NBEAL1: variants seen among roughly 807,000 people sequenced by gnomAD.
NBEAL1 encodes the protein neurobeachin-like protein 1.
Under a neutral mutation model 351.3 loss-of-function variants are expected in NBEAL1, and 273 were observed. That is an observed-to-expected ratio of 0.78 (90% confidence interval 0.70 to 0.86). NBEAL1 has a LOEUF of 0.86. Ranked by LOEUF, NBEAL1 falls within the 40% of genes least tolerant of loss-of-function variation. The probability of loss-of-function intolerance (pLI) is 0.00; values close to 1 mark genes in which losing one functional copy is unlikely to be tolerated. For missense variants in NBEAL1, 2,961 were observed against 3,201.3 expected (o/e 0.92, Z 1.81); for synonymous variants, 1,050 against 1,086.4 (o/e 0.97, Z 0.66).
At chr2:203,039,964 G>A (rs1228488678) in intron 2 of NBEAL1, 9 of 499,170 alleles carry the variant, frequency 1.8e-5, no homozygotes, top group Admixed American at 1.1e-4. Flanking sequence ...GGACCATGGT[G>A]GAGGGAACAT....
At position 203,220,542 on chromosome 2, in the gene NBEAL1, A is replaced by G. The variant is rs767718828; in HGVS notation, c.*3188A>G. On this transcript the variant is annotated 3_prime_UTR_variant, in exon 56 of 56. Coordinates refer to ENST00000683969, the MANE Select transcript of NBEAL1 (RefSeq NM_001378026.1). ...TTTTTGTATGCTTTTGTTTCTTGAT[A>G]CTGGTGATGACAAAAATAAAAATCT... is the stretch of plus-strand genomic sequence containing the variant. 7.9e-5 allele frequency among the ~76,000 whole-genome samples: 12 copies of G among 152,244 alleles called. No homozygotes were observed. The highest frequency in any genetic ancestry group is 1.6e-4 in the Non-Finnish European group (11 of 68,004).
intron 8 of NBEAL1, among the ~76,000 whole-genome samples, chr2:203,082,557 ATTAC>A: frequency 6.6e-6 from 1 of 152,326 alleles, no homozygotes; most frequent in African/African-American, 2.4e-5. Flanking sequence ...ATAACTACCA[ATTAC>A]TTAGTATATG....
At chr2:203,147,482 T>C (rs2063541859) in intron 33 of NBEAL1, among the ~76,000 whole-genome samples, 1 of 152,076 alleles carries the variant, frequency 6.6e-6, no homozygotes, top group South Asian at 2.1e-4. Context: ...GCTGTATATA[T>C]GCCAAAAACT....
Position 203,157,790 on chromosome 2 carries a change from C to A in NBEAL1, c.5679C>A (p.Asp1893Glu). The A allele has an allele frequency of 6.3e-7, 1 of 1,591,796 alleles. No individual in the cohort carries two copies. Among genetic ancestry groups the A allele is most frequent in the Non-Finnish European group, 8.6e-7 (1 of 1,169,334 alleles). Reference sequence around the variant, plus strand: ...GTGATATGGTGGAGGATAAATTAGACCTTCCTGAAGAGGATATAACAGCTA... The same window carrying A: ...GTGATATGGTGGAGGATAAATTAGAACTTCCTGAAGAGGATATAACAGCTA... ...KVSDMVEDKL[D>E]LPEEDITARV... The change falls in exon 36 of 56, where the codon GAC (aspartate) becomes GAA (glutamate). Residue 1893 changes from aspartate to glutamate, a missense_variant. Coordinates refer to ENST00000683969, the MANE Select transcript of NBEAL1 (RefSeq NM_001378026.1).
chr2:203,014,763 T>C (rs2060647941), upstream of NBEAL1: 1 of 152,274 alleles, frequency 6.6e-6, no homozygotes, highest in Non-Finnish European at 1.5e-5. Flanking sequence ...TACGCGACCA[T>C]TGAACAGCTG....
Position 203,211,103 on chromosome 2 carries a change from A to G in NBEAL1, c.7931A>G (p.His2644Arg). 1 of 1,558,912 alleles carries G rather than the reference A, an allele frequency of 6.4e-7. No homozygotes were observed. Among genetic ancestry groups the G allele is most frequent in the Non-Finnish European group, 8.7e-7 (1 of 1,153,380 alleles). The change falls in exon 54 of 56, where the codon CAC (histidine) becomes CGC (arginine). Residue 2644 changes from histidine (H) to arginine (R), a missense_variant. By Grantham distance (29) the His-to-Arg change is conservative (BLOSUM62 0). Coordinates refer to ENST00000683969, the MANE Select transcript of NBEAL1 (RefSeq NM_001378026.1). The stretch of plus-strand genomic sequence containing the variant: ...GGATTCCTGTCTATAAGAGATCTCC[A>G]CAGGTAAATAATAAAAACTAATGAA... ...IQGFLSIRDL[H>R]SLNLSINPLA...
Position 203,107,447 on chromosome 2 carries a change from A to G in NBEAL1, c.1297A>G (p.Thr433Ala). ...AGTATTTAAAGAAAGAATTGGTTATACACATATGCTTGAAGTATTAAAATC... is the reference window on the plus strand; with the variant it reads ...AGTATTTAAAGAAAGAATTGGTTATGCACATATGCTTGAAGTATTAAAATC... ...KEVFKERIGY[T>A]HMLEVLKSLG... Residue 433 changes from threonine (T) to alanine (A), a missense_variant, in exon 13 of 56, where the codon ACA (threonine) becomes GCA (alanine). Physicochemically the swap from Thr to Ala is moderately conservative, Grantham distance 58 (BLOSUM62 0). Coordinates refer to ENST00000683969, the MANE Select transcript of NBEAL1 (RefSeq NM_001378026.1). The G allele has an allele frequency of 6.5e-7, 1 of 1,549,032 alleles. No individual in the cohort carries two copies. The highest frequency in any genetic ancestry group is 1.2e-5 in the South Asian group (1 of 83,952).
intron 21 of NBEAL1, 93 bp from the exon 22 acceptor site, chr2:203,126,464 C>A: frequency 3.0e-6 from 3 of 994,872 alleles, no homozygotes; most frequent in Non-Finnish European, 4.1e-6. Flanking sequence ...TATTTTTATA[C>A]TTAGTAGATG....
intron 41 of NBEAL1, among the ~76,000 whole-genome samples, chr2:203,174,216 C>CAAAAAAAAAAAAAAA (rs10652390): frequency 8.1e-4 from 20 of 24,612 alleles, no homozygotes; most frequent in East Asian, 1.7e-3. Flanking sequence ...TTTATACTAG[C>CAAAAAAAAAAAAAAA]AAAAAAAAAA....
Position 203,049,973 on chromosome 2 carries a change from C to T in NBEAL1, c.303C>T (p.Cys101=). 6.5e-7 allele frequency: 1 copy of T among 1,550,370 alleles called. No homozygotes were observed. ...ILLVKFFIIL[C]RNLSNVEEIG... ...TTGTCAAGTTCTTCATTATTCTTTG[C>T]AGGTATCTAGTAGAAAAAATAAGCT... Residue 101 remains cysteine, a splice_region_variant and synonymous_variant, in exon 4 of 56, where the codon TGC becomes TGT. Transcript: ENST00000683969.
At chr2:203,114,670 G>T (rs2062649657) in intron 17 of NBEAL1, among the ~76,000 whole-genome samples, 2 of 152,082 alleles carry the variant, frequency 1.3e-5, no homozygotes, top group East Asian at 3.9e-4. Flanking sequence ...TTTTTAGATT[G>T]CATGGGAATT....
chr2:203,064,152 C>G (rs898496941), intron 6 of NBEAL1, among the ~76,000 whole-genome samples: 1 of 152,134 alleles, frequency 6.6e-6, no homozygotes, highest in Admixed American at 6.5e-5. Flanking sequence ...CTCCCGGGTT[C>G]AAACAATTCT....
At chr2:203,168,633 C>T (rs900634124) in intron 38 of NBEAL1, among the ~76,000 whole-genome samples, 7 of 151,964 alleles carry the variant, frequency 4.6e-5, no homozygotes, top group African/African-American at 7.3e-5. Context: ...CGATAGCTCA[C>T]GCCTATAGTC....
chr2:203,147,293 C>T (rs1025396352), intron 33 of NBEAL1, among the ~76,000 whole-genome samples: 15 of 152,046 alleles, frequency 9.9e-5, no homozygotes, highest in Non-Finnish European at 1.8e-4. Context: ...TAAATTACTA[C>T]AAATAAGCAA....
At chr2:203,150,605 TG>T (rs1163215096) in intron 34 of NBEAL1, among the ~76,000 whole-genome samples, 1 of 152,104 alleles carries the variant, frequency 6.6e-6, no homozygotes, top group Admixed American at 6.5e-5. Context: ...TCTGTTTTTT[TG>T]GGTTTTTTTG....
intron 44 of NBEAL1, 92 bp from the exon 45 acceptor site, chr2:203,188,380 G>C: frequency 1.6e-6 from 1 of 621,256 alleles, no homozygotes; most frequent in Non-Finnish European, 2.6e-6. Flanking sequence ...GTGTGGAAAT[G>C]TTTCATTTGT....
intron 47 of NBEAL1, among the ~76,000 whole-genome samples, chr2:203,195,054 A>C (rs13407718): frequency 6.6e-6 from 1 of 151,662 alleles, no homozygotes; most frequent in South Asian, 2.1e-4. Flanking sequence ...AAAAATTAGC[A>C]GGGCATGGTG....
intron 2 of NBEAL1, among the ~76,000 whole-genome samples, chr2:203,033,455 G>A (rs192479396): frequency 7.4e-4 from 113 of 152,326 alleles, no homozygotes; most frequent in Middle Eastern, 3.4e-3. Context: ...GGGATTAGTA[G>A]CATAAACACA....
At chr2:203,213,302 G>A (rs1463611643) in intron 54 of NBEAL1, among the ~76,000 whole-genome samples, 1 of 152,074 alleles carries the variant, frequency 6.6e-6, no homozygotes, top group African/African-American at 2.4e-5. Flanking sequence ...AAAAATAGAT[G>A]TCAAAAATAG....
Sources: gnomAD v4.1 joint callset for allele counts (sites outside exome capture counted in the v4.1 genomes callset) on GRCh38, gnomAD v4.1.1 for gene constraint, MANE v1.5 for transcripts, NCBI Gene and HGNC (gene_info 2026-07-23, HGNC 2026-07-21) for gene names.